Variants in PHACTR2 observed in about 807,000 individuals in gnomAD.
PHACTR2 encodes chromosome 6 open reading frame 56.
A neutral mutation model predicts 76.0 loss-of-function variants in PHACTR2; 30 were observed. That is an observed-to-expected ratio of 0.39 (90% CI 0.30 to 0.54). The LOEUF is 0.54. PHACTR2 is among the 20% of genes least tolerant of loss of function. PHACTR2 has a pLI of 0.61. For missense variants in PHACTR2, 696 were observed against 781.1 expected, an observed-to-expected ratio of 0.89 and a Z score of 1.30; for synonymous variants, 292 against 292.5, an observed-to-expected ratio of 1.00 and a Z score of 0.02.
chr6:143,728,290 C>A (rs1778623886), intron 2 of PHACTR2, among the ~76,000 whole-genome samples: 1 of 139,220 alleles, frequency 7.2e-6, no homozygotes, highest in Non-Finnish European at 1.5e-5. Context: ...ATGCTTACTG[C>A]AGCATCTACC....
intron 1 of PHACTR2, among the ~76,000 whole-genome samples, chr6:143,657,207 A>T (rs1776863370): frequency 6.6e-6 from 1 of 152,044 alleles, no homozygotes; most frequent in African/African-American, 2.4e-5. Flanking sequence ...CTATGTAACA[A>T]ACTTGCACAT....
intron 2 of PHACTR2, among the ~76,000 whole-genome samples, chr6:143,715,137 T>A (rs1254608803): frequency 6.6e-6 from 1 of 152,190 alleles, no homozygotes; most frequent in East Asian, 1.9e-4. Context: ...ACTCCAAGCC[T>A]CCGAACCATT....
chr6:143,810,165 A>C (rs1776146498), intron 12 of PHACTR2, among the ~76,000 whole-genome samples: 1 of 152,200 alleles, frequency 6.6e-6, no homozygotes, highest in African/African-American at 2.4e-5. Flanking sequence ...TGAATGACTG[A>C]CATTTCATAG....
chr6:143,539,111 C>T lies in PHACTR2; in HGVS notation c.217+1904C>T, dbSNP rs747332545. On this transcript the variant is annotated intron_variant, in intron 1 of 11. Coordinates refer to the PHACTR2 transcript ENST00000367584. The surrounding 1 kb of genome is among the most constrained non-coding windows in gnomAD (Gnocchi z 4.3). ...TGGATGGAAATTATGGCCTGTATGC[C>T]GAAAAAGGACAGCAAAGACATTTAA... Among the ~76,000 whole-genome samples, 11 of 151,834 alleles carry T rather than the reference C, an allele frequency of 7.2e-5. No homozygotes were observed. The highest frequency in any genetic ancestry group is 1.0e-4 in the Non-Finnish European group (7 of 67,990).
intron 1 of PHACTR2, among the ~76,000 whole-genome samples, chr6:143,626,458 A>G (rs946018492): frequency 6.7e-6 from 1 of 150,068 alleles, no homozygotes; most frequent in Non-Finnish European, 1.5e-5. Context: ...AATGGCGTGA[A>G]CCCGGAAGGC....
chr6:143,583,354 C>T lies in PHACTR2; in HGVS notation c.217+46147C>T, dbSNP rs953516252. ...CAGTCCTCAGATTGTTGCCCAGAACCGTTTACAATGACAATATGATCCCTT... is the reference window on the plus strand; with the variant it reads ...CAGTCCTCAGATTGTTGCCCAGAACTGTTTACAATGACAATATGATCCCTT... On this transcript the variant is annotated intron_variant, in intron 1 of 11. Transcript: ENST00000367584. The surrounding 1 kb of genome is among the most constrained non-coding windows in gnomAD (Gnocchi z 4.0). Among the ~76,000 whole-genome samples, 1 of 152,188 alleles carries T rather than the reference C, an allele frequency of 6.6e-6. No homozygotes were observed. The highest frequency in any genetic ancestry group is 2.4e-5 in the African/African-American group (1 of 41,444).
At chr6:143,735,268 A>G (rs1778790352) in intron 2 of PHACTR2, among the ~76,000 whole-genome samples, 1 of 152,218 alleles carries the variant, frequency 6.6e-6, no homozygotes, top group Non-Finnish European at 1.5e-5. Context: ...GTAAGAGGCT[A>G]TATACAAAAA....
chr6:143,564,864 G>A (rs1775339888), intron 1 of PHACTR2, among the ~76,000 whole-genome samples: 1 of 152,174 alleles, frequency 6.6e-6, no homozygotes, highest in African/African-American at 2.4e-5. Flanking sequence ...AATGGGAAAT[G>A]TATTGATTGG....
rs1240583929 is a variant in PHACTR2 at position 143,596,699 on chromosome 6, G to A, written c.217+59492G>A. Among the ~76,000 whole-genome samples, 1 of 152,140 alleles carries A rather than the reference G, an allele frequency of 6.6e-6. No individual in the cohort carries two copies. Among genetic ancestry groups the A allele is most frequent in the East Asian group, 1.9e-4 (1 of 5,198 alleles). Reference sequence around the variant, plus strand: ...CTAAAAATAAAAAAGTTAGCTGGCTGTGGTGGTATGTGACAGTAGTCCCAG... The same window carrying A: ...CTAAAAATAAAAAAGTTAGCTGGCTATGGTGGTATGTGACAGTAGTCCCAG... On this transcript the variant is annotated intron_variant, in intron 1 of 11. Transcript: ENST00000367584. The surrounding 1 kb of genome is among the most constrained non-coding windows in gnomAD (Gnocchi z 4.6).
intron 11 of PHACTR2, among the ~76,000 whole-genome samples, chr6:143,790,289 T>C (rs1440402861): frequency 1.3e-5 from 2 of 152,012 alleles, no homozygotes; most frequent in African/African-American, 4.8e-5. Flanking sequence ...GGGAAATACT[T>C]GAACAATTTT....
rs58260361 is a variant in PHACTR2, at chr6:143,806,247, C to T, written c.1846-810C>T. Among the ~76,000 whole-genome samples the T allele has an allele frequency of 5.3e-5, 8 of 152,216 alleles. No individual in the cohort carries two copies. Among genetic ancestry groups the T allele is most frequent in the Middle Eastern group, 3.4e-3 (1 of 294 alleles). ...CTCAAATACCAAAAATTACGTGACA[C>T]GGATTATGTGTTCTTTAAATAGCAA... is the stretch of plus-strand genomic sequence containing the variant. On this transcript the variant is annotated intron_variant, in intron 11 of 12. Transcript: ENST00000440869. This position sits in a 1 kb window ranked among gnomAD's most constrained non-coding sequence, Gnocchi z 5.8.
rs1454506445 is a variant in PHACTR2, at chr6:143,549,713, C to A, written c.217+12506C>A. Among the ~76,000 whole-genome samples the A allele has an allele frequency of 6.6e-6, 1 of 152,080 alleles. No homozygotes were observed. Among genetic ancestry groups the A allele is most frequent in the Admixed American group, 6.6e-5 (1 of 15,260 alleles). On this transcript the variant is annotated intron_variant, in intron 1 of 11. Coordinates refer to the PHACTR2 transcript ENST00000367584. This position sits in a 1 kb window ranked among gnomAD's most constrained non-coding sequence, Gnocchi z 4.2. ...GCTGCCTGGCTGCCACTCCTCCCTTCTTCTGCACACGCCTACTTTAACAGT... is the reference window on the plus strand; with the variant it reads ...GCTGCCTGGCTGCCACTCCTCCCTTATTCTGCACACGCCTACTTTAACAGT...
At chr6:143,632,451 TAG>T (rs746229755) in intron 1 of PHACTR2, among the ~76,000 whole-genome samples, 1 of 152,232 alleles carries the variant, frequency 6.6e-6, no homozygotes, top group Non-Finnish European at 1.5e-5. Flanking sequence ...CTTTGTTTTT[TAG>T]AGGAGTTTTA....
At chr6:143,649,185 G>A (rs1018276900) in intron 1 of PHACTR2, among the ~76,000 whole-genome samples, 1 of 152,186 alleles carries the variant, frequency 6.6e-6, no homozygotes, top group African/African-American at 2.4e-5. Flanking sequence ...ATTTTTGTGT[G>A]TGTCTGTTTG....
Position 143,618,176 on chromosome 6 carries a change from A to G in PHACTR2, c.13+9854A>G, listed in dbSNP as rs2128439281. Among the ~76,000 whole-genome samples, 1 of 152,194 alleles carries G rather than the reference A, an allele frequency of 6.6e-6. No homozygotes were observed. The highest frequency in any genetic ancestry group is 1.9e-4 in the East Asian group (1 of 5,168). On this transcript the variant is annotated intron_variant, in intron 1 of 11. Coordinates refer to the PHACTR2 transcript ENST00000305766. This position sits in a 1 kb window ranked among gnomAD's most constrained non-coding sequence, Gnocchi z 5.2. ...TAGACATCGATGCTATATTTGCTGT[A>G]TCCATGTGACTTACCACAGGCGCCC... is the stretch of plus-strand genomic sequence containing the variant.
In PHACTR2 at chr6:143,688,936, G is replaced by T. The variant is rs1213197494; in HGVS notation, c.46+10727G>T. 6.6e-6 allele frequency among the ~76,000 whole-genome samples: 1 copy of T among 152,096 alleles called. No individual in the cohort carries two copies. The highest frequency in any genetic ancestry group is 1.5e-5 in the Non-Finnish European group (1 of 68,012). ...AATGAAATCCAGATTGCATAGTATG[G>T]CCCTCGAGGCTCTACATGAGCCTAT... is the stretch of plus-strand genomic sequence containing the variant. On this transcript the variant is annotated intron_variant, in intron 1 of 12. Coordinates refer to ENST00000440869, the MANE Select transcript of PHACTR2 (RefSeq NM_001100164.2). This position sits in a 1 kb window ranked among gnomAD's most constrained non-coding sequence, Gnocchi z 5.2.
At chr6:143,544,311 G>A (rs552291059) in intron 1 of PHACTR2, among the ~76,000 whole-genome samples, 108 of 149,970 alleles carry the variant, frequency 7.2e-4, no homozygotes, top group African/African-American at 2.4e-3. Context: ...CAAGAAGTTT[G>A]TTAGGCTTTC....
At chr6:143,637,415 T>C in intron 1 of PHACTR2, among the ~76,000 whole-genome samples, 1 of 152,242 alleles carries the variant, frequency 6.6e-6, no homozygotes, top group Non-Finnish European at 1.5e-5. Context: ...TATTTAGTTT[T>C]TCTTGGACTG....
chr6:143,577,915 A>T (rs1441522311), intron 1 of PHACTR2, among the ~76,000 whole-genome samples: 2 of 152,228 alleles, frequency 1.3e-5, no homozygotes, highest in Non-Finnish European at 2.9e-5. Flanking sequence ...GGTAAGAGAA[A>T]TATGACTATC....
Sources: allele counts gnomAD v4.1 joint callset (sites outside exome capture counted in the v4.1 genomes callset), GRCh38; gene constraint gnomAD v4.1.1; non-coding constraint Gnocchi (gnomAD v3.1); transcripts MANE v1.5; gene names NCBI Gene and HGNC (gene_info 2026-07-23, HGNC 2026-07-21).